Variants in METTL14 observed in about 807,000 individuals in gnomAD.
METTL14 encodes methyltransferase 14, N6-adenosine-methyltransferase non-catalytic subunit.
Under a neutral mutation model 62.4 loss-of-function variants are expected in METTL14, and 32 were observed. The observed-to-expected ratio is 0.51, with a 90% CI of 0.39 to 0.69. The LOEUF (loss-of-function observed/expected upper bound fraction) is 0.69. Among genes scored for constraint, METTL14 ranks in the 30% least tolerant of loss-of-function variants. The pLI, the probability that METTL14 is intolerant of heterozygous loss-of-function variation, is 0.00. For synonymous variants in METTL14, 150 were observed against 180.0 expected, an observed-to-expected ratio of 0.83 and a Z score of 1.34; for missense variants, 340 against 551.9, an observed-to-expected ratio of 0.62 and a Z score of 3.85.
intron 7 of METTL14, among the ~76,000 whole-genome samples, chr4:118,698,287 T>G (rs1724478618): frequency 6.6e-6 from 1 of 151,664 alleles, no homozygotes; most frequent in African/African-American, 2.4e-5. Context: ...ACCCTATCTC[T>G]ACTAAAAATA....
chr4:118,702,688 A>G (rs1724629899), intron 8 of METTL14, among the ~76,000 whole-genome samples: 1 of 152,070 alleles, frequency 6.6e-6, no homozygotes, highest in African/African-American at 2.4e-5. Context: ...AGGCATGAGA[A>G]TCACTTGAAC....
chr4:118,714,433 T>C lies in METTL14; in HGVS notation c.*4131T>C, dbSNP rs1179326618. On this transcript the variant is annotated 3_prime_UTR_variant, in exon 11 of 11. Transcript: ENST00000388822. ...ACATCACTTGTCAGCTCCAGCTAATTGTCACCACAGAGAGAAGAGGGTAAG... is the reference window on the plus strand; with the variant it reads ...ACATCACTTGTCAGCTCCAGCTAATCGTCACCACAGAGAGAAGAGGGTAAG... 1 of 152,180 alleles carries C rather than the reference T, an allele frequency of 6.6e-6. No individual in the cohort carries two copies. The highest frequency in any genetic ancestry group is 6.5e-5 in the Admixed American group (1 of 15,268). The allele number at this position is 152,180 out of a possible 1,614,324, so 9.4% of individuals were successfully genotyped here. A position where few individuals can be genotyped will look rare whatever the true frequency, so the allele number is the denominator to read the frequency against.
At chr4:118,692,619 T>C (rs575906196) in intron 5 of METTL14, among the ~76,000 whole-genome samples, 1 of 152,182 alleles carries the variant, frequency 6.6e-6, no homozygotes, top group Admixed American at 6.5e-5. Context: ...TGTTTGTTTC[T>C]TTTTGGCTCC....
intron 8 of METTL14, among the ~76,000 whole-genome samples, chr4:118,702,540 C>T (rs1201904971): frequency 3.3e-5 from 5 of 152,088 alleles, no homozygotes; most frequent in Non-Finnish European, 7.4e-5. Flanking sequence ...CTTTGAGAGA[C>T]AGAGGCGGGC....
At chr4:118,687,771 G>A in intron 1 of METTL14, 152 bp from the exon 2 acceptor site, 1 of 608,116 alleles carries the variant, frequency 1.6e-6, no homozygotes, top group East Asian at 3.0e-5. Flanking sequence ...TGTCTTGCAA[G>A]CTGATTAATT....
In METTL14 at chr4:118,711,008, TATTC is replaced by T. The variant is rs1413110056; in HGVS notation, c.*709_*712del. On this transcript the variant is annotated 3_prime_UTR_variant, in exon 11 of 11. Coordinates refer to ENST00000388822, the MANE Select transcript of METTL14 (RefSeq NM_020961.4). ...TTCCTAAGAAGCAAAGGAGGACAAATATTCATGTGCTAGATAGCACTGTGGTGTG... is the reference window on the plus strand; with the variant it reads ...TTCCTAAGAAGCAAAGGAGGACAAATATGTGCTAGATAGCACTGTGGTGTG... 3.3e-5 allele frequency: 5 copies of T among 151,996 alleles called. No individual in the cohort carries two copies. The highest frequency in any genetic ancestry group is 6.6e-5 in the Admixed American group (1 of 15,248). The allele number at this position is 151,996 out of a possible 1,614,324, so 9.4% of individuals were successfully genotyped here.
rs138312317 is a variant in METTL14, at chr4:118,690,020, C to G, written c.243+563C>G. On this transcript the variant is annotated intron_variant, in intron 3 of 10. Transcript: ENST00000388822. ...CACTTAGCATAATGTCTGGTAAGAA[C>G]TAGGTAATAATATTCTTTTTTTTTT... is the stretch of plus-strand genomic sequence containing the variant. Among the ~76,000 whole-genome samples, 769 of 141,048 alleles carry G rather than the reference C, an allele frequency of 5.5e-3. 9 individuals are homozygous for G. The highest frequency in any genetic ancestry group is 0.018 in the African/African-American group (714 of 39,042). 92.5% of individuals were successfully genotyped at this position (141,048 alleles called of 152,430 possible).
intron 1 of METTL14, 74 bp downstream of exon 1, chr4:118,685,674 C>T: frequency 7.6e-7 from 1 of 1,318,256 alleles, no homozygotes; most frequent in South Asian, 1.2e-5. Context: ...CTCCACACCC[C>T]GCCTTTTTCT....
At chr4:118,686,719 C>A (rs773430969) in intron 1 of METTL14, 10 of 448,922 alleles carry the variant, frequency 2.2e-5, no homozygotes, top group Non-Finnish European at 4.0e-5. Context: ...CTCTTTGTTG[C>A]TACCACAGAA....
rs1724012744 is a variant in METTL14, at chr4:118,685,442, T to G, written c.-93T>G. The stretch of plus-strand genomic sequence containing the variant: ...GGATACTCTGTTCGTAAGCTCCCGG[T>G]GAATTTTGTTCCACAGACTCGGAAG... On this transcript the variant is annotated 5_prime_UTR_variant, in exon 1 of 11. Transcript: ENST00000388822. The G allele has an allele frequency of 8.0e-7, 1 of 1,255,834 alleles. No individual in the cohort carries two copies. The highest frequency in any genetic ancestry group is 1.7e-5 in the Admixed American group (1 of 58,606). The allele number at this position is 1,255,834 out of a possible 1,614,324, so 77.8% of individuals were successfully genotyped here.
chr4:118,687,026 C>G (rs1427196856), intron 1 of METTL14, among the ~76,000 whole-genome samples: 1 of 152,120 alleles, frequency 6.6e-6, no homozygotes, highest in Non-Finnish European at 1.5e-5. Flanking sequence ...AAAACTGGAT[C>G]GATTTTTATT....
intron 2 of METTL14, among the ~76,000 whole-genome samples, chr4:118,688,816 G>A (rs767068583): frequency 6.6e-6 from 1 of 152,000 alleles, no homozygotes; most frequent in Non-Finnish European, 1.5e-5. Context: ...TGGGACTACA[G>A]GTGCGCGCCA....
At position 118,710,559 on chromosome 4, in the gene METTL14, A is replaced by T. The variant is rs1428975332; in HGVS notation, c.*257A>T. ...ACAACTCAAGTAGCTTCATCTTCAG[A>T]GACTGAATTTATTCTGATAGACTTC... On this transcript the variant is annotated 3_prime_UTR_variant, in exon 11 of 11. Transcript: ENST00000388822. The T allele has an allele frequency of 2.8e-6, 1 of 358,412 alleles. No individual in the cohort carries two copies. Among genetic ancestry groups the T allele is most frequent in the Non-Finnish European group, 5.0e-6 (1 of 199,438 alleles). 22.2% of individuals were successfully genotyped at this position (358,412 alleles called of 1,614,324 possible).
In METTL14 at chr4:118,685,593, C is replaced by A; in HGVS notation, c.59C>A (p.Ala20Glu). 1 of 1,614,090 alleles carries A rather than the reference C, an allele frequency of 6.2e-7. No individual in the cohort carries two copies. The highest frequency in any genetic ancestry group is 8.5e-7 in the Non-Finnish European group (1 of 1,179,988). ...CAGAAGTTACGGCGACAGCTCCTCG[C>A]GCAGCAGGTCCGCGGCCCTGGTGTC... ...ERQKLRRQLL[A>E]QQLGAESADS... Residue 20 changes from alanine to glutamate, a missense_variant, in exon 1 of 11, where the codon GCG (alanine) becomes GAG (glutamate). Physicochemically the swap from Ala to Glu is moderately radical, Grantham distance 107. Transcript: ENST00000388822.
At chr4:118,689,599 T>C (rs1306909636) in intron 3 of METTL14, 142 bp downstream of exon 3, 3 of 500,878 alleles carry the variant, frequency 6.0e-6, no homozygotes, top group African/African-American at 5.9e-5. Context: ...TTATCACCAG[T>C]TACATTAAGA....
intron 2 of METTL14, 86 bp downstream of exon 2, chr4:118,688,097 A>G: frequency 9.4e-7 from 1 of 1,065,692 alleles, no homozygotes. Flanking sequence ...GTACAGTAGC[A>G]TGATTATGGC....
intron 1 of METTL14, among the ~76,000 whole-genome samples, chr4:118,687,681 A>G (rs954569162): frequency 6.6e-6 from 1 of 152,222 alleles, no homozygotes; most frequent in Non-Finnish European, 1.5e-5. Context: ...GAGCCGCTGT[A>G]TAACTGAAAG....
chr4:118,687,675 C>T (rs1430001195), intron 1 of METTL14, among the ~76,000 whole-genome samples: 1 of 152,080 alleles, frequency 6.6e-6, no homozygotes, highest in Non-Finnish European at 1.5e-5. Flanking sequence ...ATCAAGGAGC[C>T]GCTGTATAAC....
At chr4:118,706,197 T>G (rs1424340588) in intron 10 of METTL14, among the ~76,000 whole-genome samples, 1 of 152,222 alleles carries the variant, frequency 6.6e-6, no homozygotes, top group Non-Finnish European at 1.5e-5. Flanking sequence ...TATCCACCAT[T>G]ATAGGATCAT....
Sources: gnomAD v4.1 joint callset for allele counts (sites outside exome capture counted in the v4.1 genomes callset) on GRCh38, gnomAD v4.1.1 for gene constraint, MANE v1.5 for transcripts, NCBI Gene and HGNC (gene_info 2026-07-23, HGNC 2026-07-21) for gene names.